Variants in ATP2C1 observed in about 807,000 individuals in gnomAD.
The protein encoded by ATP2C1 is ATPase secretory pathway Ca2+ transporting 1.
A neutral mutation model predicts 120.5 loss-of-function variants in ATP2C1; 31 were observed. That is an observed-to-expected ratio of 0.26 (90% CI 0.19 to 0.35). The LOEUF is 0.35. Ranked by LOEUF, ATP2C1 falls within the 10% of genes least tolerant of loss-of-function variation. ATP2C1 has a pLI of 1.00. For synonymous variants in ATP2C1, 351 were observed against 358.7 expected, an observed-to-expected ratio of 0.98 and a Z score of 0.24; for missense variants, 731 against 1,107.5, an observed-to-expected ratio of 0.66 and a Z score of 4.83.
chr3:130,894,482 C>A lies in ATP2C1; in HGVS notation c.-180-108C>A. The A allele has an allele frequency of 7.3e-7, 1 of 1,366,156 alleles. No individual in the cohort carries two copies. The highest frequency in any genetic ancestry group is 1.6e-5 in the South Asian group (1 of 63,490). The allele number at this position is 1,366,156 out of a possible 1,614,324, so 84.6% of individuals were successfully genotyped here. On this transcript the variant is annotated intron_variant, in intron 1 of 27. Transcript: ENST00000510168. This position sits in a 1 kb window ranked among gnomAD's most constrained non-coding sequence, Gnocchi z 4.5. ...AGCTGGGGACGTTGCGGGCACACGA[C>A]GGGGCGGGTGCGGGATCTTGGGGAG... is the stretch of plus-strand genomic sequence containing the variant.
In ATP2C1 at chr3:130,930,544, A is replaced by G. The variant is rs2059407596; in HGVS notation, c.117+18A>G. The stretch of plus-strand genomic sequence containing the variant: ...TTCTCCAAGTAAGTGGTTAGTGGGG[A>G]GGAAGGGACTAGATGGTGTAAAGTC... On this transcript the variant is annotated intron_variant, in intron 3 of 27. Transcript: ENST00000510168. 6.8e-7 allele frequency: 1 copy of G among 1,466,288 alleles called. No individual in the cohort carries two copies. The highest frequency in any genetic ancestry group is 1.4e-5 in the African/African-American group (1 of 72,134). The allele number at this position is 1,466,288 out of a possible 1,614,324, so 90.8% of individuals were successfully genotyped here. A position where few individuals can be genotyped will look rare whatever the true frequency, so the allele number is the denominator to read the frequency against.
chr3:130,953,252 T>C (rs1188615577), intron 8 of ATP2C1, among the ~76,000 whole-genome samples: 4 of 152,210 alleles, frequency 2.6e-5, no homozygotes, highest in African/African-American at 4.8e-5. Context: ...TTGGAAGATA[T>C]TATGATAGTT....
chr3:130,991,514 C>T lies in ATP2C1; in HGVS notation c.1840-1437C>T, dbSNP rs61427366. Among the ~76,000 whole-genome samples the T allele has an allele frequency of 3.7e-3, 556 of 151,830 alleles. 2 individuals carry two copies. Among genetic ancestry groups the T allele is most frequent in the African/African-American group, 0.013 (533 of 41,352 alleles). ...ATTTTTTCCTTGCTGCTGCACTTTACCATCAGTATACAAACATGTTTCCTC... is the reference window on the plus strand; with the variant it reads ...ATTTTTTCCTTGCTGCTGCACTTTATCATCAGTATACAAACATGTTTCCTC... On this transcript the variant is annotated intron_variant, in intron 20 of 27. Coordinates refer to ENST00000510168, the MANE Select transcript of ATP2C1 (RefSeq NM_001378687.1).
chr3:130,950,864 A>C (rs887120150), intron 8 of ATP2C1, among the ~76,000 whole-genome samples: 1 of 123,706 alleles, frequency 8.1e-6, no homozygotes, highest in African/African-American at 2.8e-5. Context: ...TCTCTTTTTA[A>C]AAACAACAGA....
chr3:130,946,812 T>C (rs1032939847), intron 8 of ATP2C1, among the ~76,000 whole-genome samples: 2 of 152,262 alleles, frequency 1.3e-5, no homozygotes, highest in African/African-American at 4.8e-5. Flanking sequence ...AATTTACTTA[T>C]GTTGGTAATG....
chr3:130,877,843 G>A (rs1398769118), intron 1 of ATP2C1, among the ~76,000 whole-genome samples: 1 of 152,158 alleles, frequency 6.6e-6, no homozygotes, highest in Non-Finnish European at 1.5e-5. Context: ...GCACGTGTAT[G>A]TTTATTGCGG....
chr3:130,944,570 TGA>T (rs2060057374), intron 8 of ATP2C1, among the ~76,000 whole-genome samples: 1 of 152,176 alleles, frequency 6.6e-6, no homozygotes, highest in Non-Finnish European at 1.5e-5. Flanking sequence ...CATCTAACCC[TGA>T]TTACTTCCCA....
chr3:130,855,664 G>T (rs2067815071), intron 1 of ATP2C1, among the ~76,000 whole-genome samples: 1 of 152,096 alleles, frequency 6.6e-6, no homozygotes, highest in African/African-American at 2.4e-5. Flanking sequence ...AAGCAGAGAT[G>T]TAGAAAAAGG....
intron 9 of ATP2C1, among the ~76,000 whole-genome samples, chr3:130,954,296 A>G (rs2060485800): frequency 6.6e-6 from 1 of 152,188 alleles, no homozygotes; most frequent in Admixed American, 6.5e-5. Flanking sequence ...TAATAATCTG[A>G]CTATATGTTG....
chr3:130,926,110 G>A (rs1056975253), intron 2 of ATP2C1, among the ~76,000 whole-genome samples: 1 of 152,176 alleles, frequency 6.6e-6, no homozygotes, highest in Non-Finnish European at 1.5e-5. Flanking sequence ...AGAACCTGCA[G>A]TGGTGATCCA....
intron 13 of ATP2C1, among the ~76,000 whole-genome samples, chr3:130,964,624 G>A (rs2060972032): frequency 6.6e-6 from 1 of 151,790 alleles, no homozygotes; most frequent in African/African-American, 2.4e-5. Flanking sequence ...GAAATTATAC[G>A]GGTTTATATT....
chr3:130,997,539 G>A, intron 24 of ATP2C1, 67 bp from the exon 25 acceptor site: 1 of 1,439,550 alleles, frequency 6.9e-7, no homozygotes. Context: ...AGGTTAGTGA[G>A]GTTGTGAAAG....
At chr3:130,968,250 G>A (rs2640474) in intron 16 of ATP2C1, among the ~76,000 whole-genome samples, 24,744 of 152,116 alleles carry the variant, frequency 0.16, 2,187 homozygotes, top group Middle Eastern at 0.24. Context: ...ACATGAATCC[G>A]TTATCAAGTA....
chr3:130,869,764 C>T (rs950554107), intron 1 of ATP2C1, among the ~76,000 whole-genome samples: 4 of 152,136 alleles, frequency 2.6e-5, no homozygotes, highest in African/African-American at 9.7e-5. Flanking sequence ...GGGTTAGCTG[C>T]AGAAGAAAAG....
chr3:130,986,918 GTTTAGTTAGTTTAGT>G (rs1199511848), intron 20 of ATP2C1, among the ~76,000 whole-genome samples: 1,349 of 5,880 alleles, frequency 0.23, 7 homozygotes, highest in Middle Eastern at 0.43. Flanking sequence ...GTTTAGTTTA[GTTTAGTTAGTTTAGT>G]TTAGTTTAGT....
intron 1 of ATP2C1, among the ~76,000 whole-genome samples, chr3:130,857,293 G>C (rs1277074642): frequency 1.3e-5 from 2 of 152,170 alleles, no homozygotes; most frequent in Admixed American, 1.3e-4. Context: ...TGGCTTTCTA[G>C]TTGTCAGCAA....
At chr3:130,937,300 C>T in intron 5 of ATP2C1, 128 bp from the exon 6 acceptor site, 1 of 809,804 alleles carries the variant, frequency 1.2e-6, no homozygotes. Flanking sequence ...GTTGTGATTT[C>T]TTTTCCAGCT....
chr3:130,993,034 T>G (rs1203158678), intron 21 of ATP2C1, 33 bp downstream of exon 21: 2 of 1,581,092 alleles, frequency 1.3e-6, no homozygotes, highest in South Asian at 2.2e-5. Flanking sequence ...GTTTTATTTC[T>G]GTATACAAAA....
chr3:131,013,941 T>C (rs1333377977), intron 26 of ATP2C1: 1 of 643,888 alleles, frequency 1.6e-6, no homozygotes, highest in African/African-American at 1.9e-5. Context: ...ATTATTGTGA[T>C]GTTTATCCCC....
Sources: allele counts gnomAD v4.1 joint callset (sites outside exome capture counted in the v4.1 genomes callset), GRCh38; gene constraint gnomAD v4.1.1; non-coding constraint Gnocchi (gnomAD v3.1); transcripts MANE v1.5; gene names NCBI Gene and HGNC (gene_info 2026-07-23, HGNC 2026-07-21).